Variants in RALGAPA2 observed in about 807,000 individuals in gnomAD.
RALGAPA2 encodes the protein ral GTPase-activating protein subunit alpha-2.
In RALGAPA2, 139 loss-of-function variants were observed where a neutral mutation model predicts 230.4. That is an observed-to-expected ratio of 0.60 (90% CI 0.53 to 0.69). RALGAPA2 has a LOEUF of 0.69. Ranked by LOEUF, RALGAPA2 falls within the 30% of genes least tolerant of loss-of-function variation. The pLI is 0.00. For missense variants in RALGAPA2, 2,163 were observed against 2,276.0 expected, an observed-to-expected ratio of 0.95 and a Z score of 1.01; for synonymous variants, 847 against 837.8, an observed-to-expected ratio of 1.01 and a Z score of -0.19.
At chr20:20,703,126 T>C (rs1454110611) in intron 1 of RALGAPA2, among the ~76,000 whole-genome samples, 1 of 151,850 alleles carries the variant, frequency 6.6e-6, no homozygotes, top group Non-Finnish European at 1.5e-5. Context: ...TGAGGCGAAA[T>C]TGCACCACTG....
intron 19 of RALGAPA2, among the ~76,000 whole-genome samples, chr20:20,583,490 T>C (rs1375076495): frequency 3.4e-4 from 52 of 152,134 alleles, no homozygotes; most frequent in Non-Finnish European, 1.6e-4. Context: ...CTTCAACGTG[T>C]CTTCACTCAG....
rs112983315 is a variant in RALGAPA2, at chr20:20,681,688, A to C, written c.107-887T>G. ...GGGAGAATACACTAGCATCTGAGGA[A>C]AAGTAAAAACAGCTTTCTGGAGCCA... is the stretch of plus-strand genomic sequence containing the variant. On this transcript the variant is annotated intron_variant, in intron 1 of 39. Transcript: ENST00000202677. Among the ~76,000 whole-genome samples, 1,293 of 152,260 alleles carry C rather than the reference A, an allele frequency of 8.5e-3. 16 individuals carry two copies. The highest frequency in any genetic ancestry group is 0.03 in the African/African-American group (1,230 of 41,548).
rs1030640405 is a variant in RALGAPA2 at position 20,619,368 on chromosome 20, C to T, written c.1448G>A (p.Arg483His). ...SGHKRSSSWG[R>H]TYSFTSAMSR... ...CATTGCACTTGTGAAGGAGTATGTG[C>T]GTCCCCAACTGGAAGATCGTTTATG... The change falls in exon 12 of 40, where the codon CGC becomes CAC. Residue 483 changes from arginine (R) to histidine (H), a missense_variant. Coordinates refer to ENST00000202677, the MANE Select transcript of RALGAPA2 (RefSeq NM_020343.4). 3.1e-6 allele frequency: 5 copies of T among 1,609,746 alleles called. No homozygotes were observed. Among genetic ancestry groups the T allele is most frequent in the African/African-American group, 1.3e-5 (1 of 74,872 alleles).
chr20:20,524,394 G>A lies in RALGAPA2; in HGVS notation c.3900+12C>T. The A allele has an allele frequency of 6.2e-7, 1 of 1,613,604 alleles. No homozygotes were observed. On this transcript the variant is annotated intron_variant, in intron 30 of 39. Coordinates refer to ENST00000202677, the MANE Select transcript of RALGAPA2 (RefSeq NM_020343.4). Reference sequence around the variant, plus strand: ...CCACACTCCATTCCCCCAGGCCCAGGTGTAGACTCACCCTGTAGATATAAT... The same window carrying A: ...CCACACTCCATTCCCCCAGGCCCAGATGTAGACTCACCCTGTAGATATAAT...
intron 3 of RALGAPA2, among the ~76,000 whole-genome samples, chr20:20,672,627 A>G (rs2068174966): frequency 6.6e-6 from 1 of 152,226 alleles, no homozygotes; most frequent in South Asian, 2.1e-4. Flanking sequence ...AGAATGCAAC[A>G]CAAACAGATT....
At chr20:20,454,402 A>G (rs185026676) in intron 37 of RALGAPA2, among the ~76,000 whole-genome samples, 3 of 152,220 alleles carry the variant, frequency 2.0e-5, no homozygotes, top group Non-Finnish European at 4.4e-5. Flanking sequence ...TCGTGGCTCT[A>G]TTGGCCACTG....
intron 3 of RALGAPA2, among the ~76,000 whole-genome samples, chr20:20,655,205 AAC>A (rs2067545895): frequency 6.6e-6 from 1 of 152,216 alleles, no homozygotes; most frequent in Admixed American, 6.5e-5. Flanking sequence ...CACACCAGAC[AAC>A]AGACTTCACT....
intron 24 of RALGAPA2, among the ~76,000 whole-genome samples, chr20:20,537,005 G>A (rs369102220): frequency 6.6e-6 from 1 of 152,144 alleles, no homozygotes; most frequent in African/African-American, 2.4e-5. Flanking sequence ...CAAGTGTTGT[G>A]GAAACTGATC....
At chr20:20,539,628 A>G (rs1267085146) in intron 24 of RALGAPA2, among the ~76,000 whole-genome samples, 1 of 152,010 alleles carries the variant, frequency 6.6e-6, no homozygotes, top group African/African-American at 2.4e-5. Flanking sequence ...AGTTGTGAAC[A>G]CTTGAGATCT....
At chr20:20,458,078 G>A (rs940485424) in intron 37 of RALGAPA2, among the ~76,000 whole-genome samples, 22 of 152,156 alleles carry the variant, frequency 1.4e-4, no homozygotes, top group Non-Finnish European at 4.4e-5. Context: ...AGGAGGCCAC[G>A]GTCAGCAATG....
In RALGAPA2 at chr20:20,637,477, T is replaced by C; in HGVS notation, c.691A>G (p.Lys231Glu). 6.4e-7 allele frequency: 1 copy of C among 1,568,992 alleles called. No individual in the cohort carries two copies. The highest frequency in any genetic ancestry group is 2.3e-5 in the East Asian group (1 of 43,098). ...IQAASLEWKNKENQDTGFKFL... is the reference protein window; with the variant it reads ...IQAASLEWKNEENQDTGFKFL... ...TTAAAACCAGTATCTTGATTCTCCT[T>C]ATTCTTCCACTCCAAGCTCGCAGCC... is the stretch of plus-strand genomic sequence containing the variant. Residue 231 changes from lysine (K) to glutamate (E), a missense_variant, in exon 8 of 40, where the codon AAG becomes GAG. Lys to Glu is a moderately conservative substitution (Grantham distance 56, BLOSUM62 1). Coordinates refer to ENST00000202677, the MANE Select transcript of RALGAPA2 (RefSeq NM_020343.4).
At chr20:20,396,040 C>T (rs780393995) in intron 39 of RALGAPA2, among the ~76,000 whole-genome samples, 1 of 152,356 alleles carries the variant, frequency 6.6e-6, no homozygotes, top group South Asian at 2.1e-4. Context: ...CTTGCCAAGG[C>T]GGCTGCCATC....
chr20:20,558,631 G>A, intron 23 of RALGAPA2, among the ~76,000 whole-genome samples: 1 of 152,002 alleles, frequency 6.6e-6, no homozygotes, highest in East Asian at 1.9e-4. Flanking sequence ...TGTGTGAGGA[G>A]GCTGGGGGCG....
chr20:20,695,431 A>C (rs1482179123), intron 1 of RALGAPA2, among the ~76,000 whole-genome samples: 2 of 152,222 alleles, frequency 1.3e-5, no homozygotes, highest in African/African-American at 4.8e-5. Flanking sequence ...TTGAATGCAA[A>C]GATGTGATGA....
intron 20 of RALGAPA2, among the ~76,000 whole-genome samples, 194 bp downstream of exon 20, chr20:20,582,856 T>C (rs546434395): frequency 2.0e-5 from 3 of 152,312 alleles, no homozygotes; most frequent in South Asian, 2.1e-4. Context: ...CTTTCTAGCA[T>C]AGAACAATTC....
chr20:20,547,755 C>T (rs928648673), intron 23 of RALGAPA2, among the ~76,000 whole-genome samples: 7 of 152,280 alleles, frequency 4.6e-5, no homozygotes, highest in South Asian at 2.1e-4. Context: ...ACAGTCGTGT[C>T]GCTTTATGAT....
At chr20:20,500,227 T>C (rs2062334071) in intron 35 of RALGAPA2, among the ~76,000 whole-genome samples, 1 of 152,152 alleles carries the variant, frequency 6.6e-6, no homozygotes, top group Non-Finnish European at 1.5e-5. Context: ...ATAATGAAAT[T>C]GCCACATTGA....
intron 1 of RALGAPA2, among the ~76,000 whole-genome samples, chr20:20,707,301 A>G (rs2069645489): frequency 6.6e-6 from 1 of 152,232 alleles, no homozygotes; most frequent in African/African-American, 2.4e-5. Flanking sequence ...GAATGTTCAA[A>G]CCCAGCAATC....
intron 31 of RALGAPA2, among the ~76,000 whole-genome samples, chr20:20,520,470 A>G (rs1294554175): frequency 6.6e-6 from 1 of 152,138 alleles, no homozygotes; most frequent in Admixed American, 6.5e-5. Context: ...GTAAATTTCC[A>G]TCTCTTTTTA....
Sources: gnomAD v4.1 joint callset for allele counts (sites outside exome capture counted in the v4.1 genomes callset) on GRCh38, gnomAD v4.1.1 for gene constraint, MANE v1.5 for transcripts, NCBI Gene and HGNC (gene_info 2026-07-23, HGNC 2026-07-21) for gene names.